The following CAMTA1 variants were observed in gnomAD, a reference collection of about 807,000 sequenced individuals.
CAMTA1 encodes calmodulin binding transcription activator 1.
Under a neutral mutation model 170.9 loss-of-function variants are expected in CAMTA1, and 27 were observed. The observed-to-expected ratio is 0.16, with a 90% CI of 0.12 to 0.22. CAMTA1 has a LOEUF of 0.22. CAMTA1 is among the 10% of genes least tolerant of loss of function. The pLI, the probability that CAMTA1 is intolerant of heterozygous loss-of-function variation, is 1.00. For missense variants in CAMTA1, 1,619 were observed against 2,217.2 expected (o/e 0.73, Z 5.42); for synonymous variants, 833 against 891.5 (o/e 0.93, Z 1.17).
chr1:6,827,355 A>G (rs965521037), intron 3 of CAMTA1, among the ~76,000 whole-genome samples: 1 of 152,248 alleles, frequency 6.6e-6, no homozygotes, highest in Non-Finnish European at 1.5e-5. Flanking sequence ...CTCAGCTGAC[A>G]AAAGCTCCTA....
At chr1:7,324,703 A>G (rs1258924591) in intron 5 of CAMTA1, among the ~76,000 whole-genome samples, 1 of 151,424 alleles carries the variant, frequency 6.6e-6, no homozygotes, top group Non-Finnish European at 1.5e-5. Context: ...AGCTACTAGG[A>G]GGCTGAGGCA....
At position 7,736,209 on chromosome 1, in the gene CAMTA1, T is replaced by C. The variant is rs1352149960; in HGVS notation, c.3067-135T>C. The C allele has an allele frequency of 1.3e-6, 1 of 799,228 alleles. No individual in the cohort carries two copies. Among genetic ancestry groups the C allele is most frequent in the Non-Finnish European group, 2.0e-6 (1 of 505,312 alleles). 49.5% of individuals were successfully genotyped at this position (799,228 alleles called of 1,614,324 possible). ...CATGATCCAGCATGCCCAGCCAATG[T>C]TTCTTTATTTTCAGTGTTTTATGTT... On this transcript the variant is annotated intron_variant, in intron 12 of 22. Transcript: ENST00000303635. This position sits in a 1 kb window ranked among gnomAD's most constrained non-coding sequence, Gnocchi z 4.5.
chr1:7,435,549 G>T lies in CAMTA1; in HGVS notation c.439-32281G>T, dbSNP rs1437365442. Among the ~76,000 whole-genome samples, 1 of 152,232 alleles carries T rather than the reference G, an allele frequency of 6.6e-6. No homozygotes were observed. Among genetic ancestry groups the T allele is most frequent in the Non-Finnish European group, 1.5e-5 (1 of 68,040 alleles). Reference sequence around the variant, plus strand: ...AGCAACCGGCAGTGGGCTCTTCAGGGTTCTCAGCCTGGTTCACTGTGGTGG... The same window carrying T: ...AGCAACCGGCAGTGGGCTCTTCAGGTTTCTCAGCCTGGTTCACTGTGGTGG... On this transcript the variant is annotated intron_variant, in intron 5 of 22. Coordinates refer to ENST00000303635, the MANE Select transcript of CAMTA1 (RefSeq NM_015215.4). This position sits in a 1 kb window ranked among gnomAD's most constrained non-coding sequence, Gnocchi z 4.4.
At chr1:7,391,606 TC>T (rs2088725902) in intron 5 of CAMTA1, among the ~76,000 whole-genome samples, 1 of 152,128 alleles carries the variant, frequency 6.6e-6, no homozygotes, top group African/African-American at 2.4e-5. Flanking sequence ...ACCACCACAA[TC>T]AATATGGAGA....
At chr1:7,645,286 G>A (rs1011471873) in intron 7 of CAMTA1, among the ~76,000 whole-genome samples, 1 of 152,202 alleles carries the variant, frequency 6.6e-6, no homozygotes, top group African/African-American at 2.4e-5. Flanking sequence ...CCCAAACCTT[G>A]CACCCTTGGC....
intron 3 of CAMTA1, among the ~76,000 whole-genome samples, chr1:6,855,453 A>G (rs1268016937): frequency 6.6e-6 from 1 of 151,840 alleles, no homozygotes; most frequent in Non-Finnish European, 1.5e-5. Flanking sequence ...TTACATCGCC[A>G]GAGCAGGAGC....
At chr1:7,374,582 G>T (rs1276464621) in intron 5 of CAMTA1, among the ~76,000 whole-genome samples, 1 of 152,248 alleles carries the variant, frequency 6.6e-6, no homozygotes, top group African/African-American at 2.4e-5. Context: ...CCTTGGAACA[G>T]ATTAATGGCT....
Position 7,671,009 on chromosome 1 carries a change from G to T in CAMTA1, c.2751G>T (p.Gln917His). 1 of 1,613,612 alleles carries T rather than the reference G, an allele frequency of 6.2e-7. No homozygotes were observed. The highest frequency in any genetic ancestry group is 8.5e-7 in the Non-Finnish European group (1 of 1,179,968). The part of the protein sequence containing the change: ...DQISVPASLI[Q>H]PGVLRCYCPA... ...TCTCAGTGCCTGCATCCCTGATTCA[G>T]CCTGGGGTGCTGCGCTGCTACTGCC... The change falls in exon 10 of 23, where the codon CAG (glutamine) becomes CAT (histidine). Residue 917 changes from glutamine to histidine, a missense_variant. Physicochemically the swap from Gln to His is conservative, Grantham distance 24. Transcript: ENST00000303635.
intron 6 of CAMTA1, among the ~76,000 whole-genome samples, chr1:7,541,240 C>T (rs1575898567): frequency 6.6e-6 from 1 of 152,240 alleles, no homozygotes; most frequent in East Asian, 1.9e-4. Context: ...CTTGGCCTCA[C>T]TGCATGGGCA....
chr1:7,034,903 G>A (rs1325401428), intron 3 of CAMTA1, among the ~76,000 whole-genome samples: 2 of 152,012 alleles, frequency 1.3e-5, no homozygotes, highest in African/African-American at 4.8e-5. Context: ...AAGAACCATA[G>A]TTTTAAAAAA....
intron 6 of CAMTA1, among the ~76,000 whole-genome samples, chr1:7,579,748 C>T (rs1436929703): frequency 1.3e-4 from 19 of 151,774 alleles, no homozygotes; most frequent in East Asian, 3.9e-4. Context: ...TCAGTAGAGA[C>T]GGGGTTTCAC....
chr1:7,506,606 T>A lies in CAMTA1; in HGVS notation c.510+38705T>A, dbSNP rs565471622. The stretch of plus-strand genomic sequence containing the variant: ...ACACTCACACGCTCACACTCAAAAG[T>A]CACACTCTCATACTAATGTTCAACA... On this transcript the variant is annotated intron_variant, in intron 6 of 22. Transcript: ENST00000303635. Among the ~76,000 whole-genome samples the A allele has an allele frequency of 3.3e-5, 5 of 151,122 alleles. No homozygotes were observed. In the South Asian group the frequency reaches 1.1e-3, roughly 32 times the overall value.
chr1:7,449,361 G>T (rs1455574458), intron 5 of CAMTA1, among the ~76,000 whole-genome samples: 1 of 152,144 alleles, frequency 6.6e-6, no homozygotes, highest in Non-Finnish European at 1.5e-5. Flanking sequence ...AAGACCACCG[G>T]GCCAGGCAGA....
intron 6 of CAMTA1, among the ~76,000 whole-genome samples, chr1:7,539,806 G>T (rs1362433779): frequency 6.6e-6 from 1 of 152,256 alleles, no homozygotes; most frequent in Non-Finnish European, 1.5e-5. Flanking sequence ...GAAGGTGCCT[G>T]CAGAGACAGC....
At chr1:6,799,410 A>G (rs751847108) in intron 1 of CAMTA1, among the ~76,000 whole-genome samples, 18 of 152,200 alleles carry the variant, frequency 1.2e-4, no homozygotes, top group Non-Finnish European at 2.4e-4. Context: ...AGCAGGACTC[A>G]AGGATCCCAG....
intron 4 of CAMTA1, among the ~76,000 whole-genome samples, chr1:7,170,801 C>T (rs1649445810): frequency 6.6e-6 from 1 of 151,972 alleles, no homozygotes; most frequent in Non-Finnish European, 1.5e-5. Context: ...TTTTTGTTAA[C>T]TGATTTCTAA....
chr1:7,263,730 A>C (rs1357385830), intron 5 of CAMTA1, among the ~76,000 whole-genome samples: 1 of 152,202 alleles, frequency 6.6e-6, no homozygotes. Flanking sequence ...AAACAAGGAC[A>C]CGAATCAGAG....
rs958111543 is a variant in CAMTA1, at chr1:7,633,731, G to A, written c.511-6669G>A. On this transcript the variant is annotated intron_variant, in intron 6 of 22. Transcript: ENST00000303635. This position sits in a 1 kb window ranked among gnomAD's most constrained non-coding sequence, Gnocchi z 4.1. ...GGAGCCCCTGCCATGTGGCTGCCCC[G>A]CAGACAGAGTCCCAGCCATCCGGAG... 3.3e-5 allele frequency among the ~76,000 whole-genome samples: 5 copies of A among 152,210 alleles called. No homozygotes were observed. Among genetic ancestry groups the A allele is most frequent in the African/African-American group, 2.4e-5 (1 of 41,446 alleles).
chr1:7,495,252 T>A (rs1557812204), intron 6 of CAMTA1, among the ~76,000 whole-genome samples: 3 of 152,148 alleles, frequency 2.0e-5, no homozygotes, highest in Admixed American at 2.0e-4. Context: ...CTACAAACCA[T>A]TATTTAGCAA....
Sources: gnomAD v4.1 joint callset for allele counts (sites outside exome capture counted in the v4.1 genomes callset) on GRCh38, gnomAD v4.1.1 for gene constraint, Gnocchi (gnomAD v3.1) non-coding constraint, MANE v1.5 for transcripts, NCBI Gene and HGNC (gene_info 2026-07-23, HGNC 2026-07-21) for gene names.